Variants in SLC24A2 observed in about 807,000 individuals in gnomAD.
The protein encoded by SLC24A2 is sodium/potassium/calcium exchanger 2.
SLC24A2 carries 36 observed loss-of-function variants against 62.0 expected under a neutral mutation model. The observed-to-expected ratio is 0.58, with a 90% CI of 0.44 to 0.77. The LOEUF (loss-of-function observed/expected upper bound fraction) is 0.77, where lower values mean the gene tolerates loss of function less well. Ranked by LOEUF, SLC24A2 falls within the 30% of genes least tolerant of loss-of-function variation. SLC24A2 has a pLI of 0.00. For missense variants in SLC24A2, 846 were observed against 817.9 expected (o/e 1.03, Z -0.42); for synonymous variants, 358 against 294.0 (o/e 1.22, Z -2.23).
the SLC24A2 span, among the ~76,000 whole-genome samples, chr9:20,215,279 C>T: frequency 6.6e-6 from 1 of 152,202 alleles, no homozygotes; most frequent in African/African-American, 2.4e-5. Context: ...AAAGGTCTCA[C>T]ATTCAAATAC....
chr9:19,695,188 A>C (rs937573319), intron 2 of SLC24A2, among the ~76,000 whole-genome samples: 1 of 152,124 alleles, frequency 6.6e-6, no homozygotes, highest in East Asian at 1.9e-4. Flanking sequence ...TAAACATCCT[A>C]TAATGCAAAG....
the SLC24A2 span, among the ~76,000 whole-genome samples, chr9:20,222,183 A>C: frequency 6.6e-6 from 1 of 151,988 alleles, no homozygotes; most frequent in African/African-American, 2.4e-5. Context: ...TAAGAGTGAC[A>C]ACTAAAATAA....
At chr9:19,919,462 C>T in the SLC24A2 span, among the ~76,000 whole-genome samples, 3 of 152,212 alleles carry the variant, frequency 2.0e-5, no homozygotes, top group South Asian at 6.2e-4. Context: ...AGAAAAATAG[C>T]TCACATGGGC....
Position 19,650,721 on chromosome 9 carries a change from C to T in SLC24A2, c.931-28422G>A, listed in dbSNP as rs551608374. The stretch of plus-strand genomic sequence containing the variant: ...TGCAGAGAAAACAAAACATGGCACG[C>T]GCACACACACACACACAAATAAAAA... On this transcript the variant is annotated intron_variant, in intron 2 of 10. Transcript: ENST00000341998. Among the ~76,000 whole-genome samples, 265 of 101,488 alleles carry T rather than the reference C, an allele frequency of 2.6e-3. 2 individuals are homozygous for T. Among genetic ancestry groups the T allele is most frequent in the African/African-American group, 9.6e-3 (235 of 24,564 alleles). The allele number at this position is 101,488 out of a possible 152,430, so 66.6% of individuals were successfully genotyped here. A position where few individuals can be genotyped will look rare whatever the true frequency, so the allele number is the denominator to read the frequency against.
At chr9:19,761,822 T>C (rs1184970186) in intron 2 of SLC24A2, among the ~76,000 whole-genome samples, 1 of 152,232 alleles carries the variant, frequency 6.6e-6, no homozygotes, top group East Asian at 1.9e-4. Flanking sequence ...CATCATTTTT[T>C]ATGGCTGCAT....
intron 2 of SLC24A2, among the ~76,000 whole-genome samples, chr9:19,680,786 T>C (rs1349285976): frequency 6.6e-6 from 1 of 152,072 alleles, no homozygotes; most frequent in Non-Finnish European, 1.5e-5. Flanking sequence ...GTGACAGTTA[T>C]TTCTTTCTAA....
the SLC24A2 span, among the ~76,000 whole-genome samples, chr9:19,861,707 A>C: frequency 6.6e-6 from 1 of 152,180 alleles, no homozygotes; most frequent in African/African-American, 2.4e-5. Context: ...AGGGATTCAG[A>C]ATTCTATCAG....
At chr9:19,708,052 C>G (rs572078898) in intron 2 of SLC24A2, among the ~76,000 whole-genome samples, 1 of 152,318 alleles carries the variant, frequency 6.6e-6, no homozygotes, top group East Asian at 1.9e-4. Context: ...GCAAATTCAG[C>G]AAAGTCACAG....
the SLC24A2 span, among the ~76,000 whole-genome samples, chr9:20,108,011 A>C: frequency 2.6e-5 from 4 of 152,198 alleles, no homozygotes; most frequent in Non-Finnish European, 5.9e-5. Context: ...AGAAAAAAAC[A>C]AACAACCCCA....
the SLC24A2 span, among the ~76,000 whole-genome samples, chr9:20,048,983 C>T: frequency 1.3e-5 from 2 of 151,608 alleles, no homozygotes; most frequent in Non-Finnish European, 2.9e-5. Flanking sequence ...GCACAACGTG[C>T]AGGTTTGTTA....
At chr9:19,772,609 C>T (rs554806811) in intron 2 of SLC24A2, among the ~76,000 whole-genome samples, 1 of 152,216 alleles carries the variant, frequency 6.6e-6, no homozygotes, top group South Asian at 2.1e-4. Context: ...CCAATAAGTC[C>T]AACGTTATCA....
intron 2 of SLC24A2, among the ~76,000 whole-genome samples, chr9:19,761,289 G>A (rs769336004): frequency 2.6e-5 from 4 of 151,932 alleles, no homozygotes; most frequent in Admixed American, 6.6e-5. Flanking sequence ...GTGTAAAAAC[G>A]TTCCTATTTC....
the SLC24A2 span, among the ~76,000 whole-genome samples, chr9:20,114,797 C>T: frequency 6.6e-6 from 1 of 152,288 alleles, no homozygotes; most frequent in African/African-American, 2.4e-5. Flanking sequence ...AATTCCAAAA[C>T]ACCCTCTGGC....
chr9:19,525,408 T>TTTC, intron 9 of SLC24A2, among the ~76,000 whole-genome samples: 1 of 143,362 alleles, frequency 7.0e-6, no homozygotes, highest in South Asian at 2.3e-4. Flanking sequence ...TTTTTTTTTT[T>TTTC]TTTTTTTTTT....
chr9:20,064,630 T>C, the SLC24A2 span, among the ~76,000 whole-genome samples: 5 of 152,196 alleles, frequency 3.3e-5, no homozygotes, highest in East Asian at 3.8e-4. Flanking sequence ...GACTTTCCCA[T>C]TGGAAATGTA....
the SLC24A2 span, among the ~76,000 whole-genome samples, chr9:19,944,153 G>T: frequency 6.6e-6 from 1 of 152,058 alleles, no homozygotes; most frequent in Non-Finnish European, 1.5e-5. Flanking sequence ...CTAACGTTTG[G>T]GTACAATGCT....
chr9:19,517,279 C>T (rs988211156), intron 10 of SLC24A2, among the ~76,000 whole-genome samples: 14 of 152,180 alleles, frequency 9.2e-5, no homozygotes, highest in African/African-American at 3.1e-4. Flanking sequence ...TGGCTCTACC[C>T]ATCAGCCTAA....
chr9:19,985,908 GA>G, the SLC24A2 span, among the ~76,000 whole-genome samples: 1 of 151,944 alleles, frequency 6.6e-6, no homozygotes, highest in Non-Finnish European at 1.5e-5. Flanking sequence ...AGCAACACAA[GA>G]AAAAATTTAA....
the SLC24A2 span, among the ~76,000 whole-genome samples, chr9:19,940,203 ATAG>A: frequency 6.6e-6 from 1 of 152,210 alleles, no homozygotes; most frequent in East Asian, 1.9e-4. Context: ...CTGTCTGAAC[ATAG>A]TAGTTAAGAG....
Sources: allele counts gnomAD v4.1 joint callset (sites outside exome capture counted in the v4.1 genomes callset), GRCh38; gene constraint gnomAD v4.1.1; transcripts MANE v1.5; gene names NCBI Gene and HGNC (gene_info 2026-07-23, HGNC 2026-07-21).